ADGRL4: variants seen among roughly 807,000 people sequenced by gnomAD.
The protein encoded by ADGRL4 is EGF, latrophilin and seven transmembrane domain containing 1.
A neutral mutation model predicts 74.8 loss-of-function variants in ADGRL4; 90 were observed. The ratio of observed to expected loss-of-function variants is 1.20; its 90% confidence interval spans 1.02 to 1.43. The LOEUF (loss-of-function observed/expected upper bound fraction) is 1.43. ADGRL4 is among the 40% of genes most tolerant of loss of function. The pLI is 0.00. For missense variants in ADGRL4, 881 were observed against 814.3 expected, an observed-to-expected ratio of 1.08 and a Z score of -1.00; for synonymous variants, 311 against 279.2, an observed-to-expected ratio of 1.11 and a Z score of -1.14.
intron 2 of ADGRL4, among the ~76,000 whole-genome samples, chr1:78,962,547 CT>C (rs1223137903): frequency 2.0e-5 from 3 of 152,128 alleles, no homozygotes; most frequent in Admixed American, 6.6e-5. Context: ...CCTCTCTCCC[CT>C]GTCTCCCCCA....
chr1:78,975,149 A>G (rs1056265445), intron 2 of ADGRL4, among the ~76,000 whole-genome samples: 2 of 152,122 alleles, frequency 1.3e-5, no homozygotes, highest in African/African-American at 4.8e-5. Flanking sequence ...ATAAATTAGA[A>G]TTGGCAGTTT....
At chr1:78,898,490 C>T (rs1366659792) in intron 12 of ADGRL4, among the ~76,000 whole-genome samples, 1 of 151,412 alleles carries the variant, frequency 6.6e-6, no homozygotes, top group Admixed American at 6.6e-5. Context: ...ATGAATATTC[C>T]TTCATTATCA....
chr1:78,913,004 G>A (rs1557494944), intron 12 of ADGRL4, among the ~76,000 whole-genome samples: 1 of 151,890 alleles, frequency 6.6e-6, no homozygotes, highest in Non-Finnish European at 1.5e-5. Context: ...TTCAAAAGGA[G>A]ACATACACAT....
chr1:78,945,177 A>AAAATATATATATAT (rs376405445), intron 3 of ADGRL4, among the ~76,000 whole-genome samples: 9 of 127,922 alleles, frequency 7.0e-5, no homozygotes, highest in African/African-American at 2.6e-4. Flanking sequence ...AAAAAAAAAA[A>AAAATATATATATAT]ATATATATAT....
At chr1:78,987,534 C>G (rs1298845254) in intron 2 of ADGRL4, among the ~76,000 whole-genome samples, 1 of 151,676 alleles carries the variant, frequency 6.6e-6, no homozygotes, top group African/African-American at 2.4e-5. Context: ...GAAGTTATTA[C>G]TCAATCCACT....
At chr1:78,891,491 T>C in intron 14 of ADGRL4, 33 bp downstream of exon 14, 1 of 1,596,150 alleles carries the variant, frequency 6.3e-7, no homozygotes, top group Non-Finnish European at 8.6e-7. Context: ...TACATGAATA[T>C]ACTAGGAACC....
At chr1:78,898,056 A>G (rs1390858859) in intron 12 of ADGRL4, among the ~76,000 whole-genome samples, 1 of 152,146 alleles carries the variant, frequency 6.6e-6, no homozygotes, top group Non-Finnish European at 1.5e-5. Flanking sequence ...TCTTTGGGGA[A>G]TTTTATGAAA....
chr1:78,925,180 A>G (rs6657515), intron 8 of ADGRL4, among the ~76,000 whole-genome samples: 13,475 of 152,026 alleles, frequency 0.089, 792 homozygotes, highest in East Asian at 0.33. Flanking sequence ...AGCTTCTGAG[A>G]GCATGGACTC....
At position 78,921,737 on chromosome 1, in the gene ADGRL4, T is replaced by C. The variant is rs1335864523; in HGVS notation, c.1133A>G (p.Asp378Gly). ...TGAAGACCAGCTGCCATTCATGGTA[T>C]CAGGTGAGTAATTCCAAAATGCACA... ...SLCAFWNYSP[D>G]TMNGSWSSEG... The change falls in exon 9 of 15, where the codon GAT becomes GGT. Residue 378 changes from aspartate (D) to glycine (G), a missense_variant. By Grantham distance (94) the Asp-to-Gly change is moderately conservative. Transcript: ENST00000370742. 6.2e-7 allele frequency: 1 copy of C among 1,602,110 alleles called. No individual in the cohort carries two copies. The highest frequency in any genetic ancestry group is 1.4e-5 in the African/African-American group (1 of 74,022).
intron 2 of ADGRL4, among the ~76,000 whole-genome samples, chr1:78,964,183 A>G: frequency 6.6e-6 from 1 of 152,208 alleles, no homozygotes; most frequent in East Asian, 1.9e-4. Context: ...TGATTCAAAA[A>G]CTTTTGTCCA....
At chr1:78,988,260 T>C (rs1570273886) in intron 2 of ADGRL4, among the ~76,000 whole-genome samples, 1 of 151,800 alleles carries the variant, frequency 6.6e-6, no homozygotes, top group Middle Eastern at 3.4e-3. Flanking sequence ...TGAAAAAAAA[T>C]AGGAATAAGT....
chr1:78,927,773 C>T (rs887868696), intron 7 of ADGRL4, among the ~76,000 whole-genome samples: 4 of 152,122 alleles, frequency 2.6e-5, no homozygotes, highest in Admixed American at 6.6e-5. Flanking sequence ...GAAACCTCCA[C>T]ATCACATGAA....
chr1:78,893,629 ACT>A lies in ADGRL4; in HGVS notation c.1750-442_1750-441del, dbSNP rs557755429. On this transcript the variant is annotated intron_variant, in intron 12 of 14. Coordinates refer to ENST00000370742, the MANE Select transcript of ADGRL4 (RefSeq NM_022159.4). ...AAGAAATAAGAAAACTCAACAAAAC[ACT>A]CTCAGTTTCTAATGTGAGGAAATGT... is the stretch of plus-strand genomic sequence containing the variant. Among the ~76,000 whole-genome samples, 118 of 151,780 alleles carry A rather than the reference ACT, an allele frequency of 7.8e-4. 1 individual carries two copies. The highest frequency in any genetic ancestry group is 2.7e-3 in the African/African-American group (111 of 41,466).
chr1:78,909,417 G>A (rs759526618), intron 12 of ADGRL4, among the ~76,000 whole-genome samples: 6 of 151,852 alleles, frequency 4.0e-5, no homozygotes, highest in Non-Finnish European at 8.8e-5. Flanking sequence ...GACATGTGGA[G>A]AGGCATTTTT....
chr1:78,935,529 TA>T (rs60057044), intron 7 of ADGRL4, among the ~76,000 whole-genome samples: 12 of 147,714 alleles, frequency 8.1e-5, no homozygotes, highest in African/African-American at 1.5e-4. Context: ...TAAGCAAAAT[TA>T]AAAAAAAAAA....
At chr1:78,973,967 A>G (rs1378655656) in intron 2 of ADGRL4, among the ~76,000 whole-genome samples, 1 of 152,058 alleles carries the variant, frequency 6.6e-6, no homozygotes, top group Admixed American at 6.6e-5. Flanking sequence ...ATTTATAGCA[A>G]TCTTTAGATG....
rs573614228 is a variant in ADGRL4, at chr1:78,981,483, G to T, written c.172+23587C>A. Among the ~76,000 whole-genome samples the T allele has an allele frequency of 7.9e-5, 12 of 151,900 alleles. 1 individual carries two copies. The South Asian group carries it at 2.3e-3, about 29-fold the overall frequency. ...CACTCATAAAATGCTTACAATAAGAGCATCTACCTCATAGGGTTGATGAAG... is the reference window on the plus strand; with the variant it reads ...CACTCATAAAATGCTTACAATAAGATCATCTACCTCATAGGGTTGATGAAG... On this transcript the variant is annotated intron_variant, in intron 2 of 14. Transcript: ENST00000370742.
chr1:78,921,214 A>G (rs980055324), intron 9 of ADGRL4, among the ~76,000 whole-genome samples: 10 of 151,586 alleles, frequency 6.6e-5, no homozygotes, highest in Non-Finnish European at 1.2e-4. Flanking sequence ...TAAGTGTGCT[A>G]ATACTTATTG....
intron 2 of ADGRL4, among the ~76,000 whole-genome samples, chr1:78,959,081 C>A (rs780109045): frequency 6.6e-6 from 1 of 152,172 alleles, no homozygotes; most frequent in Non-Finnish European, 1.5e-5. Context: ...TGCTACTACA[C>A]ACTTACTACT....
Sources: gnomAD v4.1 joint callset for allele counts (sites outside exome capture counted in the v4.1 genomes callset) on GRCh38, gnomAD v4.1.1 for gene constraint, MANE v1.5 for transcripts, NCBI Gene and HGNC (gene_info 2026-07-23, HGNC 2026-07-21) for gene names.